Variants in MED16 observed in about 807,000 individuals in gnomAD.
MED16 encodes the protein mediator of RNA polymerase II transcription subunit 16.
A neutral mutation model predicts 84.4 loss-of-function variants in MED16; 81 were observed. The observed-to-expected ratio is 0.96, with a 90% CI of 0.80 to 1.15. The LOEUF (loss-of-function observed/expected upper bound fraction) is 1.15, where lower values mean the gene tolerates loss of function less well. Among genes scored for constraint, MED16 ranks in the 50% most tolerant of loss-of-function variants. The pLI is 0.00. For synonymous variants in MED16, 897 were observed against 552.2 expected, an observed-to-expected ratio of 1.62 and a Z score of -8.76; for missense variants, 1,585 against 1,245.9, an observed-to-expected ratio of 1.27 and a Z score of -4.10.
At chr19:878,331 A>G (rs1457819544) in intron 8 of MED16, among the ~76,000 whole-genome samples, 39 of 55,654 alleles carry the variant, frequency 7.0e-4, no homozygotes, top group East Asian at 1.2e-3. Context: ...CCAGCAGCTC[A>G]CCTTCCCGTG....
chr19:875,380 G>C lies in MED16; in HGVS notation c.1635C>G (p.Cys545Trp). 2 of 1,609,210 alleles carry C rather than the reference G, an allele frequency of 1.2e-6. No homozygotes were observed. The highest frequency in any genetic ancestry group is 1.7e-6 in the Non-Finnish European group (2 of 1,179,734). ...KLSPCTVTRVCDYHTKLFLIA... is the reference protein window; with the variant it reads ...KLSPCTVTRVWDYHTKLFLIA... ...TGAGGAAGAGCTTGGTGTGGTAGTC[G>C]CACACGCGGGTCACCGTGCAGGGCG... is the stretch of plus-strand genomic sequence containing the variant. Residue 545 changes from cysteine to tryptophan, a missense_variant, in exon 10 of 16, where the codon TGC (cysteine) becomes TGG (tryptophan). Cys to Trp is a radical substitution (Grantham distance 215). Transcript: ENST00000325464.
At position 875,486 on chromosome 19, in the gene MED16, G is replaced by A. The variant is rs758871867; in HGVS notation, c.1561-32C>T. The A allele has an allele frequency of 5.7e-6, 9 of 1,565,296 alleles. No homozygotes were observed. In the African/African-American group the frequency reaches 8.1e-5, roughly 14 times the overall value. ...GCAGGAAGCCAGGTCACCCCAAGGG[G>A]CCGGAGCAGAGGCGCCCGCCAAGGC... On this transcript the variant is annotated intron_variant, in intron 9 of 15. Transcript: ENST00000325464.
intron 9 of MED16, among the ~76,000 whole-genome samples, chr19:875,719 C>T (rs1210443854): frequency 6.6e-6 from 1 of 152,162 alleles, no homozygotes; most frequent in Non-Finnish European, 1.5e-5. Context: ...TAGTTGTCAC[C>T]ACTGGGGGTG....
At chr19:885,094 GC>G in intron 5 of MED16, 86 bp from the exon 6 acceptor site, 3 of 995,066 alleles carry the variant, frequency 3.0e-6, no homozygotes, top group African/African-American at 3.2e-5. Flanking sequence ...GGACCCTGGG[GC>G]CACGCACTGC....
intron 4 of MED16, 101 bp from the exon 5 acceptor site, chr19:886,302 G>C (rs976426011): frequency 9.4e-7 from 1 of 1,069,030 alleles, no homozygotes; most frequent in African/African-American, 1.6e-5. Flanking sequence ...CAGAAGCCAG[G>C]AGTGTGTGCA....
chr19:872,876 T>C (rs1242944474), intron 11 of MED16: 8 of 798,050 alleles, frequency 1.0e-5, no homozygotes, highest in East Asian at 1.3e-4. Flanking sequence ...GCTTTGAGAA[T>C]GGGCAGGAAG....
In MED16 at chr19:886,067, C is replaced by T. The variant is rs1433194795; in HGVS notation, c.582G>A (p.Lys194=). Residue 194 remains lysine (K), a synonymous_variant, in exon 5 of 16, where the codon AAG becomes AAA. Transcript: ENST00000325464. The part of the protein sequence containing the change: ...VSGLVTVSLL[K]PSGQVLTSTE... ...TGGACGTCAGCACCTGCCCGCTGGG[C>T]TTCAGCAGGGACACGGTGACCAGGC... is the stretch of plus-strand genomic sequence containing the variant. 1 of 1,595,902 alleles carries T rather than the reference C, an allele frequency of 6.3e-7. No homozygotes were observed. Among genetic ancestry groups the T allele is most frequent in the African/African-American group, 1.3e-5 (1 of 74,716 alleles).
At chr19:891,291 T>A (rs1433872596) in intron 1 of MED16, 142 bp from the exon 2 acceptor site, 9 of 783,996 alleles carry the variant, frequency 1.1e-5, no homozygotes, top group African/African-American at 3.5e-5. Context: ...AGACAGAGCC[T>A]GGGGCTGGGG....
At chr19:880,419 C>T (rs1037694829) in intron 7 of MED16, among the ~76,000 whole-genome samples, 3 of 152,234 alleles carry the variant, frequency 2.0e-5, no homozygotes, top group African/African-American at 4.8e-5. Flanking sequence ...CTGGCTGACA[C>T]GCCCCTCAAG....
chr19:868,855 C>T lies in MED16; in HGVS notation c.2399+8G>A. The T allele has an allele frequency of 1.9e-6, 3 of 1,546,356 alleles. No homozygotes were observed. Among genetic ancestry groups the T allele is most frequent in the Middle Eastern group, 1.7e-4 (1 of 5,948 alleles). On this transcript the variant is annotated splice_region_variant and intron_variant, in intron 14 of 15. Coordinates refer to ENST00000325464, the MANE Select transcript of MED16 (RefSeq NM_005481.3). ...CTCTGGGAGTCAGCGGTTCCGGGGG[C>T]CCCTCACCTGGTGCAGGCCTTGCAT...
intron 9 of MED16, among the ~76,000 whole-genome samples, chr19:875,686 C>G (rs1411947607): frequency 2.6e-5 from 4 of 152,160 alleles, no homozygotes; most frequent in Admixed American, 2.6e-4. Context: ...GTGGGGGCCC[C>G]TGGTGATGTC....
chr19:872,146 G>A (rs772548695), intron 11 of MED16, 28 bp from the exon 12 acceptor site: 44 of 1,567,990 alleles, frequency 2.8e-5, no homozygotes, highest in Non-Finnish European at 3.2e-5. Context: ...CGGTGTGGCT[G>A]GGGCGGCGGG....
At chr19:883,804 C>A (rs907919798) in intron 6 of MED16, among the ~76,000 whole-genome samples, 2 of 152,110 alleles carry the variant, frequency 1.3e-5, no homozygotes, top group Non-Finnish European at 2.9e-5. Context: ...GGAGCCAGCG[C>A]AGCCCAAACT....
chr19:878,251 CAG>C, intron 8 of MED16, among the ~76,000 whole-genome samples: 1 of 112,204 alleles, frequency 8.9e-6, no homozygotes, highest in Non-Finnish European at 1.8e-5. Context: ...GCCCCAGCCC[CAG>C]CCCCACGGGC....
At position 875,368 on chromosome 19, in the gene MED16, G is replaced by C; in HGVS notation, c.1647C>G (p.Thr549=). ...AGCTGATGGCGATGAGGAAGAGCTTGGTGTGGTAGTCGCACACGCGGGTCA... is the reference window on the plus strand; with the variant it reads ...AGCTGATGGCGATGAGGAAGAGCTTCGTGTGGTAGTCGCACACGCGGGTCA... ...CTVTRVCDYH[T]KLFLIAISST... The change falls in exon 10 of 16, where the codon ACC becomes ACG. Residue 549 remains threonine, a synonymous_variant. Transcript: ENST00000325464. 5.6e-6 allele frequency: 9 copies of C among 1,609,996 alleles called. No individual in the cohort carries two copies. Among genetic ancestry groups the C allele is most frequent in the Non-Finnish European group, 7.6e-6 (9 of 1,179,776 alleles).
rs564256059 is a variant in MED16 at position 882,649 on chromosome 19, C to T, written c.986-935G>A. Among the ~76,000 whole-genome samples the T allele has an allele frequency of 7.9e-5, 12 of 152,332 alleles. No homozygotes were observed. The South Asian group carries it at 2.1e-3, about 26-fold the overall frequency. ...GCATGTGCGGCCAGTGGACAGGCCA[C>T]GCCACCTCGGCTGCTAACCGCAGAC... On this transcript the variant is annotated intron_variant, in intron 6 of 15. Coordinates refer to ENST00000325464, the MANE Select transcript of MED16 (RefSeq NM_005481.3).
chr19:891,148 T>G lies in MED16; in HGVS notation c.-17A>C. On this transcript the variant is annotated splice_region_variant and 5_prime_UTR_variant, in exon 2 of 16. Coordinates refer to ENST00000325464, the MANE Select transcript of MED16 (RefSeq NM_005481.3). ...ATCACACATGAGGGCAGTCACCAGC[T>G]CCTGCGGGAGGGAGGTGTGGTGGGA... 2 of 1,605,672 alleles carry G rather than the reference T, an allele frequency of 1.2e-6. No homozygotes were observed. The highest frequency in any genetic ancestry group is 1.7e-6 in the Non-Finnish European group (2 of 1,174,956).
At chr19:885,707 A>G in intron 5 of MED16, 63 bp downstream of exon 5, 1 of 1,563,014 alleles carries the variant, frequency 6.4e-7, no homozygotes, top group Non-Finnish European at 8.7e-7. Context: ...CACCCCCAGG[A>G]CCCTGAGAAG....
intron 4 of MED16, among the ~76,000 whole-genome samples, chr19:888,765 G>C (rs534495193): frequency 1.3e-5 from 2 of 152,170 alleles, no homozygotes; most frequent in Non-Finnish European, 2.9e-5. Context: ...CCGGTGCTGC[G>C]TGTACTGCGG....
Sources: gnomAD v4.1 joint callset for allele counts (sites outside exome capture counted in the v4.1 genomes callset) on GRCh38, gnomAD v4.1.1 for gene constraint, MANE v1.5 for transcripts, NCBI Gene and HGNC (gene_info 2026-07-23, HGNC 2026-07-21) for gene names.